INTS14: variants seen among roughly 807,000 people sequenced by gnomAD.
INTS14 encodes integrator complex subunit 14.
In INTS14, 27 loss-of-function variants were observed where a neutral mutation model predicts 56.9. That is an observed-to-expected ratio of 0.47 (90% CI 0.35 to 0.65). INTS14 has a LOEUF of 0.65. Among genes scored for constraint, INTS14 ranks in the 30% least tolerant of loss-of-function variants. INTS14 has a pLI of 0.00. For synonymous variants in INTS14, 207 were observed against 236.2 expected (o/e 0.88, Z 1.13); for missense variants, 517 against 632.2 (o/e 0.82, Z 1.95).
intron 3 of INTS14, among the ~76,000 whole-genome samples, chr15:65,602,086 C>A: frequency 6.6e-6 from 1 of 151,908 alleles, no homozygotes; most frequent in East Asian, 2.0e-4. Flanking sequence ...TGGTAGTGCA[C>A]TTCTGTAGGG....
intron 4 of INTS14, 31 bp from the exon 5 acceptor site, chr15:65,599,021 G>A (rs2073328091): frequency 1.9e-6 from 3 of 1,539,408 alleles, no homozygotes; most frequent in Non-Finnish European, 2.7e-6. Context: ...CCCTTAAAGT[G>A]GCTGGCACAA....
chr15:65,598,246 G>A (rs1484274833), intron 6 of INTS14, 75 bp downstream of exon 6: 3 of 1,422,626 alleles, frequency 2.1e-6, no homozygotes, highest in Admixed American at 3.8e-5. Flanking sequence ...AGACAGAGAA[G>A]AGAGTAAAAG....
At chr15:65,598,147 T>C (rs1302958648) in intron 6 of INTS14, among the ~76,000 whole-genome samples, 174 bp downstream of exon 6, 1 of 152,090 alleles carries the variant, frequency 6.6e-6, no homozygotes, top group Non-Finnish European at 1.5e-5. Context: ...CCCCAAAAAA[T>C]CTGAAATCTA....
rs745672192 is a variant in INTS14 at position 65,607,274 on chromosome 15, G to A, written c.107C>T (p.Thr36Met). ...TGTGGCCATGTGCTCAAACAGCATC[G>A]TTAAACCATGGGCTGCTAGGTGCTT... is the stretch of plus-strand genomic sequence containing the variant. ...QRKHLAAHGL[T>M]MLFEHMATNY... The change falls in exon 2 of 12, where the codon ACG becomes ATG. Residue 36 changes from threonine to methionine, a missense_variant. Physicochemically the swap from Thr to Met is moderately conservative, Grantham distance 81 (BLOSUM62 -1). Coordinates refer to ENST00000313182, the MANE Select transcript of INTS14 (RefSeq NM_001394796.1). 3.7e-5 allele frequency: 59 copies of A among 1,614,008 alleles called. 1 individual carries two copies. In the South Asian group the frequency reaches 5.5e-4, roughly 15 times the overall value.
chr15:65,605,098 C>A, intron 3 of INTS14, 31 bp downstream of exon 3: 2 of 1,541,468 alleles, frequency 1.3e-6, no homozygotes, highest in Non-Finnish European at 1.8e-6. Flanking sequence ...ATGTTGTTAA[C>A]TTAGGGCAAT....
chr15:65,582,276 C>T (rs149817964), intron 10 of INTS14, among the ~76,000 whole-genome samples: 1 of 152,240 alleles, frequency 6.6e-6, no homozygotes, highest in East Asian at 1.9e-4. Context: ...ACCCATACAT[C>T]TATTGCCAGG....
intron 4 of INTS14, 56 bp from the exon 5 acceptor site, chr15:65,599,046 C>A: frequency 7.7e-7 from 1 of 1,294,958 alleles, no homozygotes; most frequent in South Asian, 1.4e-5. Context: ...CCAGATTATT[C>A]TCAGCTCACC....
At chr15:65,604,461 T>G (rs181074774) in intron 3 of INTS14, among the ~76,000 whole-genome samples, 101 of 152,250 alleles carry the variant, frequency 6.6e-4, no homozygotes, top group African/African-American at 2.3e-3. Flanking sequence ...CTGGGCACAG[T>G]GGCTCACCCC....
At chr15:65,580,588 A>C (rs1255932503) in intron 11 of INTS14, among the ~76,000 whole-genome samples, 1 of 152,220 alleles carries the variant, frequency 6.6e-6, no homozygotes, top group African/African-American at 2.4e-5. Context: ...TTACTACATA[A>C]TTAAGTTTGA....
chr15:65,610,032 A>T (rs767054757), intron 1 of INTS14, among the ~76,000 whole-genome samples: 23 of 151,782 alleles, frequency 1.5e-4, no homozygotes, highest in Non-Finnish European at 2.6e-4. Context: ...GAGGGAACTG[A>T]AAGTTCCTGA....
intron 6 of INTS14, among the ~76,000 whole-genome samples, chr15:65,597,332 C>T (rs1354511557): frequency 6.6e-5 from 10 of 152,202 alleles, no homozygotes; most frequent in African/African-American, 2.4e-4. Flanking sequence ...CTATTGGGCA[C>T]CTACTAAGTG....
In INTS14 at chr15:65,606,404, CTTCTTTT is replaced by C. The variant is rs554033503; in HGVS notation, c.222+748_222+754del. On this transcript the variant is annotated intron_variant, in intron 2 of 11. Transcript: ENST00000313182. Reference sequence around the variant, plus strand: ...GTTCAGTTTAATTCCACAAATGCTTCTTCTTTTTTTTTTTCCTTCTTTTTATTAAAAA... The same window carrying C: ...GTTCAGTTTAATTCCACAAATGCTTCTTTTTTTCCTTCTTTTTATTAAAAA... Among the ~76,000 whole-genome samples, 244 of 151,846 alleles carry C rather than the reference CTTCTTTT, an allele frequency of 1.6e-3. 1 individual carries two copies. The highest frequency in any genetic ancestry group is 5.5e-3 in the African/African-American group (226 of 41,374).
intron 10 of INTS14, 33 bp from the exon 11 acceptor site, chr15:65,582,052 G>GA: frequency 6.5e-7 from 1 of 1,535,684 alleles, no homozygotes; most frequent in Non-Finnish European, 8.8e-7. Context: ...TCCAACATTA[G>GA]AATTCTGTGG....
intron 8 of INTS14, among the ~76,000 whole-genome samples, chr15:65,592,003 G>A (rs987452233): frequency 6.6e-6 from 1 of 152,182 alleles, no homozygotes; most frequent in Non-Finnish European, 1.5e-5. Flanking sequence ...AAATCACAAA[G>A]GGCAGCAAGT....
At chr15:65,606,477 A>T (rs1004197310) in intron 2 of INTS14, among the ~76,000 whole-genome samples, 3 of 151,744 alleles carry the variant, frequency 2.0e-5, no homozygotes, top group Non-Finnish European at 4.4e-5. Context: ...CTGGTCTCAA[A>T]CTCCTGGGCT....
chr15:65,609,122 A>G (rs1237956131), intron 1 of INTS14, among the ~76,000 whole-genome samples: 2 of 151,976 alleles, frequency 1.3e-5, no homozygotes, highest in African/African-American at 2.4e-5. Flanking sequence ...GTTTCACCAC[A>G]TTGGCCAGGC....
At position 65,611,009 on chromosome 15, in the gene INTS14, C is replaced by T. The variant is rs772428190; in HGVS notation, c.-63+89G>A. 1.3e-5 allele frequency: 20 copies of T among 1,522,034 alleles called. No individual in the cohort carries two copies. In the South Asian group the frequency reaches 2.0e-4, roughly 16 times the overall value. The allele number at this position is 1,522,034 out of a possible 1,614,324, so 94.3% of individuals were successfully genotyped here. A position where few individuals can be genotyped will look rare whatever the true frequency, so the allele number is the denominator to read the frequency against. ...CGGTGGCGGGAAGGCCAAGCGCTGG[C>T]CCTGGGTTGTTCTTCACCCATAACC... is the stretch of plus-strand genomic sequence containing the variant. On this transcript the variant is annotated intron_variant, in intron 1 of 11. Coordinates refer to ENST00000313182, the MANE Select transcript of INTS14 (RefSeq NM_001394796.1).
chr15:65,608,230 G>A (rs1015197201), intron 1 of INTS14, among the ~76,000 whole-genome samples: 1 of 151,950 alleles, frequency 6.6e-6, no homozygotes, highest in Non-Finnish European at 1.5e-5. Flanking sequence ...ACAAAAATCA[G>A]CCAGGCATGG....
chr15:65,608,807 G>T (rs1012792858), intron 1 of INTS14, among the ~76,000 whole-genome samples: 1 of 152,190 alleles, frequency 6.6e-6, no homozygotes, highest in African/African-American at 2.4e-5. Context: ...TCTTTTTTGG[G>T]ATTAACTTCA....
Sources: gnomAD v4.1 joint callset for allele counts (sites outside exome capture counted in the v4.1 genomes callset) on GRCh38, gnomAD v4.1.1 for gene constraint, MANE v1.5 for transcripts, NCBI Gene and HGNC (gene_info 2026-07-23, HGNC 2026-07-21) for gene names.